Variants in SLC25A29 observed in about 807,000 individuals in gnomAD.
The protein encoded by SLC25A29 is mitochondrial basic amino acids transporter.
In SLC25A29, 13 loss-of-function variants were observed where a neutral mutation model predicts 10.0. That is an observed-to-expected ratio of 1.30 (90% CI 0.85 to 2.07). The LOEUF (loss-of-function observed/expected upper bound fraction) is 2.07, where lower values mean the gene tolerates loss of function less well. SLC25A29 is among the 30% of genes most tolerant of loss of function. The pLI is 0.00. For synonymous variants in SLC25A29, 244 were observed against 221.1 expected, an observed-to-expected ratio of 1.10 and a Z score of -0.92; for missense variants, 475 against 447.6, an observed-to-expected ratio of 1.06 and a Z score of -0.55.
Position 100,292,258 on chromosome 14 carries a change from C to G in SLC25A29, c.*25G>C. 6.5e-7 allele frequency: 1 copy of G among 1,532,720 alleles called. No individual in the cohort carries two copies. The highest frequency in any genetic ancestry group is 8.8e-7 in the Non-Finnish European group (1 of 1,141,008). 94.9% of individuals were successfully genotyped at this position (1,532,720 alleles called of 1,614,324 possible). Reference sequence around the variant, plus strand: ...TGTCCCAGGTTTCTGAGAAGGAGCCCTGGGGAAGGAGGGCGGGGTGAGCGT... The same window carrying G: ...TGTCCCAGGTTTCTGAGAAGGAGCCGTGGGGAAGGAGGGCGGGGTGAGCGT... On this transcript the variant is annotated 3_prime_UTR_variant, in exon 4 of 4. Transcript: ENST00000359232.
intron 1 of SLC25A29, chr14:100,299,136 G>A: frequency 7.2e-7 from 1 of 1,380,838 alleles, no homozygotes; most frequent in South Asian, 1.6e-5. Context: ...TGTCCCATCT[G>A]CAGGCTGCTG....
chr14:100,281,061 C>CAAAA, the SLC25A29 span: 1 of 100,896 alleles, frequency 9.9e-6, no homozygotes, highest in Non-Finnish European at 1.8e-5. Context: ...CTCCGTCTCC[C>CAAAA]AAAAAAAAAA....
In SLC25A29 at chr14:100,291,877, G is replaced by C. The variant is rs1891720187; in HGVS notation, c.*406C>G. The C allele has an allele frequency of 1.1e-5, 3 of 276,362 alleles. No individual in the cohort carries two copies. The highest frequency in any genetic ancestry group is 2.1e-5 in the Non-Finnish European group (3 of 143,760). 17.1% of individuals were successfully genotyped at this position (276,362 alleles called of 1,614,324 possible). On this transcript the variant is annotated 3_prime_UTR_variant, in exon 4 of 4. Coordinates refer to ENST00000359232, the MANE Select transcript of SLC25A29 (RefSeq NM_001039355.3). ...AGGATGTGTGGAGTTAGAGGTCCCT[G>C]GGTGGCCCCTTGGTTGGCCATCAGA...
intron 3 of SLC25A29, 24 bp downstream of exon 3, chr14:100,293,270 G>A (rs1891897610): frequency 6.2e-7 from 1 of 1,610,600 alleles, no homozygotes; most frequent in African/African-American, 1.3e-5. Context: ...TGCCTCCCGA[G>A]CCCCACCAGC....
Position 100,293,341 on chromosome 14 carries a change from A to G in SLC25A29, c.115T>C (p.Tyr39His). The change falls in exon 3 of 4, where the codon TAC becomes CAC. Residue 39 changes from tyrosine to histidine, a missense_variant. Transcript: ENST00000359232. ...LQVQSVEKPQ[Y>H]RGTLHCFKSI... Reference sequence around the variant, plus strand: ...TTGAAGCAGTGCAACGTCCCGCGGTACTGAGGCTTCTCCACGCTCTGGACC... The same window carrying G: ...TTGAAGCAGTGCAACGTCCCGCGGTGCTGAGGCTTCTCCACGCTCTGGACC... The G allele has an allele frequency of 6.2e-7, 1 of 1,613,358 alleles. No individual in the cohort carries two copies. The highest frequency in any genetic ancestry group is 1.1e-5 in the South Asian group (1 of 91,058).
chr14:100,290,459 C>G (rs1470562949), downstream of SLC25A29, among the ~76,000 whole-genome samples: 2 of 152,214 alleles, frequency 1.3e-5, no homozygotes, highest in Non-Finnish European at 2.9e-5. Flanking sequence ...CAGGCTAGCA[C>G]TAGGGTTAAA....
chr14:100,279,621 G>C, the SLC25A29 span: 2 of 152,240 alleles, frequency 1.3e-5, no homozygotes, highest in Non-Finnish European at 2.9e-5. Flanking sequence ...TCAGTGCCGA[G>C]GGCTCGGATG....
chr14:100,301,416 C>T (rs894749140), intron 1 of SLC25A29, among the ~76,000 whole-genome samples: 2 of 150,626 alleles, frequency 1.3e-5, no homozygotes, highest in African/African-American at 2.4e-5. Context: ...CCGCCTGCCT[C>T]GGCCTCCCAA....
intron 2 of SLC25A29, 63 bp downstream of exon 2, chr14:100,298,779 C>A: frequency 6.2e-7 from 1 of 1,607,926 alleles, no homozygotes. Context: ...TCCAGCCACC[C>A]CAACCCTGTG....
rs563549477 is a variant in SLC25A29, at chr14:100,306,191, C to G, written c.34+8G>C. On this transcript the variant is annotated splice_region_variant and intron_variant, in intron 1 of 3. Coordinates refer to ENST00000359232, the MANE Select transcript of SLC25A29 (RefSeq NM_001039355.3). Reference sequence around the variant, plus strand: ...GCCCCGGCCCGGCCCGGCCCGCCGCCTCCTTACCCCCCGCGCATCCAGCCA... The same window carrying G: ...GCCCCGGCCCGGCCCGGCCCGCCGCGTCCTTACCCCCCGCGCATCCAGCCA... The G allele has an allele frequency of 6.0e-6, 9 of 1,497,138 alleles. No homozygotes were observed. The East Asian group carries it at 2.5e-4, about 42-fold the overall frequency. The allele number at this position is 1,497,138 out of a possible 1,614,324, so 92.7% of individuals were successfully genotyped here. A position where few individuals can be genotyped will look rare whatever the true frequency, so the allele number is the denominator to read the frequency against.
intron 2 of SLC25A29, chr14:100,293,711 T>C (rs1234720757): frequency 3.8e-6 from 1 of 261,196 alleles, no homozygotes; most frequent in Non-Finnish European, 7.4e-6. Flanking sequence ...ACTGGCCCGT[T>C]CTCCAGGTGA....
In SLC25A29 at chr14:100,306,305, C is replaced by A; in HGVS notation, c.-73G>T. 1 of 1,298,648 alleles carries A rather than the reference C, an allele frequency of 7.7e-7. No individual in the cohort carries two copies. Among genetic ancestry groups the A allele is most frequent in the South Asian group, 2.4e-5 (1 of 42,506 alleles). The allele number at this position is 1,298,648 out of a possible 1,614,324, so 80.4% of individuals were successfully genotyped here. ...GGCCCCTCGCCGGGCTGGGCGCCGT[C>A]GGGGTCCCCGAGCGCGCGGTGCCGG... On this transcript the variant is annotated 5_prime_UTR_variant, in exon 1 of 4. Transcript: ENST00000359232.
At chr14:100,295,331 C>G in intron 2 of SLC25A29, 1 of 258,700 alleles carries the variant, frequency 3.9e-6, no homozygotes, top group Non-Finnish European at 7.7e-6. Context: ...GTGCCAGGCT[C>G]TCCTTTGAGG....
At chr14:100,280,234 A>C in the SLC25A29 span, 8 of 152,200 alleles carry the variant, frequency 5.3e-5, no homozygotes, top group African/African-American at 1.4e-4. Context: ...GATGTAATTT[A>C]CTAAGGTTTG....
intron 2 of SLC25A29, chr14:100,294,079 C>A (rs562271817): frequency 1.3e-4 from 20 of 152,326 alleles, no homozygotes; most frequent in African/African-American, 4.3e-4. Context: ...TGCACTCCAG[C>A]CTGGGCGAGA....
intron 2 of SLC25A29, among the ~76,000 whole-genome samples, chr14:100,297,754 C>G (rs1387277756): frequency 6.6e-6 from 1 of 152,234 alleles, no homozygotes; most frequent in Non-Finnish European, 1.5e-5. Context: ...AATTGGCCTA[C>G]AGTGGATAGA....
rs755238111 is a variant in SLC25A29, at chr14:100,292,741, G to A, written c.454C>T (p.Arg152Trp). ...YGHEGLRGVNRGMVSTLLRET... is the reference protein window; with the variant it reads ...YGHEGLRGVNWGMVSTLLRET... ...CGCAGCAACGTGGACACCATGCCCC[G>A]GTTGACGCCACGCAGACCCTCGTGC... Residue 152 changes from arginine to tryptophan, a missense_variant, in exon 4 of 4, where the codon CGG becomes TGG. By Grantham distance (101) the Arg-to-Trp change is moderately radical. Coordinates refer to ENST00000359232, the MANE Select transcript of SLC25A29 (RefSeq NM_001039355.3). The A allele has an allele frequency of 6.9e-6, 11 of 1,602,246 alleles. No individual in the cohort carries two copies. The highest frequency in any genetic ancestry group is 6.8e-5 in the East Asian group (3 of 44,296).
rs1891837763 is a variant in SLC25A29 at position 100,292,810 on chromosome 14, G to A, written c.385C>T (p.Arg129Cys). ...CAGTCCAGCGAGCCCTTGTAGGTGC[G>A]CGCTGGGCCCGCGTCCTGCAGCTGC... ...RLQLQDAGPARTYKGSLDCLA... is the reference protein window; with the variant it reads ...RLQLQDAGPACTYKGSLDCLA... The change falls in exon 4 of 4, where the codon CGC (arginine) becomes TGC (cysteine). Residue 129 changes from arginine to cysteine, a missense_variant. Physicochemically the swap from Arg to Cys is radical, Grantham distance 180 (BLOSUM62 -3). Transcript: ENST00000359232. The A allele has an allele frequency of 1.3e-6, 2 of 1,591,726 alleles. No individual in the cohort carries two copies. The highest frequency in any genetic ancestry group is 1.7e-6 in the Non-Finnish European group (2 of 1,171,194).
In SLC25A29 at chr14:100,304,286, C is replaced by T. The variant is rs542210849; in HGVS notation, c.34+1913G>A. ...CCCCAGCTGTGCCAGGGACCTGGAGCCTGGGACACAGTCAGTTCACTGTCC... is the reference window on the plus strand; with the variant it reads ...CCCCAGCTGTGCCAGGGACCTGGAGTCTGGGACACAGTCAGTTCACTGTCC... On this transcript the variant is annotated intron_variant, in intron 1 of 3. Transcript: ENST00000359232. 1.7e-3 allele frequency among the ~76,000 whole-genome samples: 262 copies of T among 152,246 alleles called. 1 individual carries two copies. The highest frequency in any genetic ancestry group is 2.9e-3 in the South Asian group (14 of 4,816).
Sources: gnomAD v4.1 joint callset for allele counts (sites outside exome capture counted in the v4.1 genomes callset) on GRCh38, gnomAD v4.1.1 for gene constraint, MANE v1.5 for transcripts, NCBI Gene and HGNC (gene_info 2026-07-23, HGNC 2026-07-21) for gene names.